The following CPNE8 variants were observed in gnomAD, a reference collection of about 807,000 sequenced individuals.
CPNE8 encodes the protein copine 8.
A neutral mutation model predicts 81.5 loss-of-function variants in CPNE8; 45 were observed. That is an observed-to-expected ratio of 0.55 (90% CI 0.44 to 0.71). CPNE8 has a LOEUF of 0.71. Among genes scored for constraint, CPNE8 ranks in the 30% least tolerant of loss-of-function variants. The pLI, the probability that CPNE8 is intolerant of heterozygous loss-of-function variation, is 0.00. For missense variants in CPNE8, 594 were observed against 672.1 expected (o/e 0.88, Z 1.28); for synonymous variants, 252 against 226.3 (o/e 1.11, Z -1.02).
intron 19 of CPNE8, among the ~76,000 whole-genome samples, chr12:38,659,426 C>G (rs1345030381): frequency 2.0e-5 from 3 of 152,134 alleles, no homozygotes; most frequent in Non-Finnish European, 4.4e-5. Context: ...TACGAAGAGA[C>G]TTAGACTCCC....
intron 10 of CPNE8, among the ~76,000 whole-genome samples, chr12:38,737,657 T>A (rs1184949038): frequency 6.6e-6 from 1 of 152,168 alleles, no homozygotes; most frequent in Non-Finnish European, 1.5e-5. Context: ...CTGTCAGCCA[T>A]CACTACCACA....
At chr12:38,729,956 ATCT>A (rs36124227) in intron 11 of CPNE8, among the ~76,000 whole-genome samples, 57,610 of 151,524 alleles carry the variant, frequency 0.38, 11,505 homozygotes, top group Middle Eastern at 0.47. Flanking sequence ...AAAAATGCTA[ATCT>A]TCTTCTTTAT....
chr12:38,796,330 A>G (rs1157983377), intron 6 of CPNE8, among the ~76,000 whole-genome samples: 4 of 152,162 alleles, frequency 2.6e-5, no homozygotes, highest in African/African-American at 9.7e-5. Context: ...CAAAAGGAAA[A>G]GACAAAAATA....
chr12:38,684,408 T>C (rs911556137), intron 16 of CPNE8, among the ~76,000 whole-genome samples: 3 of 152,064 alleles, frequency 2.0e-5, no homozygotes, highest in African/African-American at 7.2e-5. Flanking sequence ...GTTGTGTATG[T>C]ACAGGGTTAA....
intron 10 of CPNE8, among the ~76,000 whole-genome samples, chr12:38,737,671 C>T (rs1940986216): frequency 1.3e-5 from 2 of 152,172 alleles, no homozygotes; most frequent in South Asian, 2.1e-4. Flanking sequence ...TACCACATGT[C>T]ATTGAAAGAT....
chr12:38,750,966 G>A (rs1481005866), intron 10 of CPNE8, among the ~76,000 whole-genome samples: 1 of 152,144 alleles, frequency 6.6e-6, no homozygotes, highest in Non-Finnish European at 1.5e-5. Context: ...CTGGTGGGAG[G>A]TAACTGAATC....
At chr12:38,737,076 A>C (rs1005329553) in intron 10 of CPNE8, among the ~76,000 whole-genome samples, 5 of 151,994 alleles carry the variant, frequency 3.3e-5, no homozygotes, top group Admixed American at 6.6e-5. Context: ...TTCAAGTTTA[A>C]ACTATAGGCC....
At chr12:38,762,342 C>G (rs1207528086) in intron 8 of CPNE8, 126 bp from the exon 9 acceptor site, 11 of 425,846 alleles carry the variant, frequency 2.6e-5, no homozygotes, top group Non-Finnish European at 4.5e-5. Context: ...TGCTACATCA[C>G]TTCATGGAAA....
At chr12:38,662,707 G>A (rs1001461670) in intron 19 of CPNE8, among the ~76,000 whole-genome samples, 73 of 152,176 alleles carry the variant, frequency 4.8e-4, no homozygotes, top group African/African-American at 1.7e-3. Context: ...CAAGAAGAAA[G>A]CTGAAGGTAT....
chr12:38,668,669 G>C (rs993297374), intron 19 of CPNE8, among the ~76,000 whole-genome samples: 1 of 152,054 alleles, frequency 6.6e-6, no homozygotes, highest in Non-Finnish European at 1.5e-5. Flanking sequence ...AAATATTCTA[G>C]AGAGCTTTTA....
chr12:38,687,972 ACCTATTTAACATT>A (rs1426684259), intron 15 of CPNE8, among the ~76,000 whole-genome samples: 6 of 152,168 alleles, frequency 3.9e-5, no homozygotes, highest in African/African-American at 1.4e-4. Flanking sequence ...ATCTGAGCCG[ACCTATTTAACATT>A]CCTTTAAGGT....
At chr12:38,683,466 A>C (rs1221797648) in intron 16 of CPNE8, among the ~76,000 whole-genome samples, 1 of 152,152 alleles carries the variant, frequency 6.6e-6, no homozygotes, top group Non-Finnish European at 1.5e-5. Context: ...TAAAGCAAGA[A>C]TTTTACATAA....
At chr12:38,872,812 A>G (rs1171257367) in intron 3 of CPNE8, among the ~76,000 whole-genome samples, 192 bp downstream of exon 3, 1 of 152,204 alleles carries the variant, frequency 6.6e-6, no homozygotes, top group African/African-American at 2.4e-5. Context: ...ATCTCACAAG[A>G]AGGTCATAAA....
At chr12:38,779,655 GA>G (rs1374199652) in intron 6 of CPNE8, among the ~76,000 whole-genome samples, 1 of 151,976 alleles carries the variant, frequency 6.6e-6, no homozygotes, top group Non-Finnish European at 1.5e-5. Context: ...ATCCTCTCCA[GA>G]AAAGTTTCCC....
At chr12:38,891,221 G>A (rs1243318746) in intron 1 of CPNE8, among the ~76,000 whole-genome samples, 2 of 151,638 alleles carry the variant, frequency 1.3e-5, no homozygotes, top group Non-Finnish European at 2.9e-5. Flanking sequence ...ATGAGCCACT[G>A]CGCCTGGCCA....
chr12:38,874,408 T>C (rs1004288869), intron 2 of CPNE8, 63 bp downstream of exon 2: 4 of 1,196,178 alleles, frequency 3.3e-6, no homozygotes, highest in African/African-American at 3.0e-5. Context: ...ACAAGAACTA[T>C]GAGTTTCCTA....
chr12:38,798,587 CA>C (rs1302168672), intron 6 of CPNE8, among the ~76,000 whole-genome samples: 1 of 151,998 alleles, frequency 6.6e-6, no homozygotes, highest in Non-Finnish European at 1.5e-5. Flanking sequence ...CCAGCCACTG[CA>C]AAAACATGCC....
At chr12:38,831,834 C>T (rs1013813127) in intron 5 of CPNE8, among the ~76,000 whole-genome samples, 7 of 152,076 alleles carry the variant, frequency 4.6e-5, no homozygotes, top group African/African-American at 1.4e-4. Context: ...CACACAAGGG[C>T]GATTCCAGAA....
At position 38,708,710 on chromosome 12, in the gene CPNE8, G is replaced by A. The variant is rs1177438566; in HGVS notation, c.915-5789C>T. 2.6e-5 allele frequency among the ~76,000 whole-genome samples: 4 copies of A among 152,258 alleles called. No individual in the cohort carries two copies. The East Asian group carries it at 5.8e-4, about 22-fold the overall frequency. ...GCTGTGAATGACAGAGAAATCAGATGTCAAGATGAGAATAATTTACTAGCA... is the reference window on the plus strand; with the variant it reads ...GCTGTGAATGACAGAGAAATCAGATATCAAGATGAGAATAATTTACTAGCA... On this transcript the variant is annotated intron_variant, in intron 13 of 19. Coordinates refer to ENST00000331366, the MANE Select transcript of CPNE8 (RefSeq NM_153634.3).
Sources: gnomAD v4.1 joint callset for allele counts (sites outside exome capture counted in the v4.1 genomes callset) on GRCh38, gnomAD v4.1.1 for gene constraint, MANE v1.5 for transcripts, NCBI Gene and HGNC (gene_info 2026-07-23, HGNC 2026-07-21) for gene names.